Variants in CBLB observed in about 807,000 individuals in gnomAD.
CBLB encodes the protein E3 ubiquitin-protein ligase CBL-B.
In CBLB, 31 loss-of-function variants were observed where a neutral mutation model predicts 104.9. The observed-to-expected ratio is 0.30, with a 90% CI of 0.22 to 0.40. The LOEUF is 0.40. CBLB is among the 10% of genes least tolerant of loss of function. The pLI is 1.00. For missense variants in CBLB, 1,062 were observed against 1,214.6 expected, an observed-to-expected ratio of 0.87 and a Z score of 1.87; for synonymous variants, 440 against 422.6, an observed-to-expected ratio of 1.04 and a Z score of -0.51.
intron 9 of CBLB, among the ~76,000 whole-genome samples, chr3:105,725,200 A>G (rs1228907961): frequency 1.3e-5 from 2 of 152,202 alleles, no homozygotes; most frequent in African/African-American, 4.8e-5. Context: ...GAAGACATAA[A>G]ATGTATCTGA....
chr3:105,689,648 T>G (rs1447082372), intron 13 of CBLB, among the ~76,000 whole-genome samples: 1 of 144,030 alleles, frequency 6.9e-6, no homozygotes, highest in Non-Finnish European at 1.6e-5. Flanking sequence ...TTTCCTTAAC[T>G]ATTCAGAGTA....
intron 3 of CBLB, among the ~76,000 whole-genome samples, chr3:105,836,856 T>C (rs749483033): frequency 6.6e-6 from 1 of 152,034 alleles, no homozygotes; most frequent in Non-Finnish European, 1.5e-5. Flanking sequence ...TAAGTCTGCA[T>C]GGTGGATGTA....
chr3:105,795,620 G>A (rs770646142), intron 3 of CBLB, among the ~76,000 whole-genome samples: 4 of 152,186 alleles, frequency 2.6e-5, no homozygotes, highest in Non-Finnish European at 5.9e-5. Flanking sequence ...GTCAAAACTT[G>A]TCGCCCAAAG....
At chr3:105,848,060 C>T (rs2090501952) in intron 3 of CBLB, among the ~76,000 whole-genome samples, 1 of 151,930 alleles carries the variant, frequency 6.6e-6, no homozygotes, top group Non-Finnish European at 1.5e-5. Context: ...TGTCAGAAAT[C>T]ACTGAATTAC....
chr3:105,736,929 T>A (rs180760623), intron 8 of CBLB, among the ~76,000 whole-genome samples: 11 of 152,094 alleles, frequency 7.2e-5, no homozygotes, highest in Non-Finnish European at 1.3e-4. Flanking sequence ...TGCTTATGGA[T>A]TTATTTATTT....
At chr3:105,737,337 A>G in intron 7 of CBLB, 79 bp from the exon 8 acceptor site, 1 of 652,642 alleles carries the variant, frequency 1.5e-6, no homozygotes, top group East Asian at 2.7e-5. Context: ...AAATTTTTCT[A>G]TATTCAAACA....
At chr3:105,809,372 A>C (rs569510093) in intron 3 of CBLB, among the ~76,000 whole-genome samples, 2 of 152,334 alleles carry the variant, frequency 1.3e-5, no homozygotes, top group East Asian at 3.9e-4. Flanking sequence ...TTGTATCAAC[A>C]GTCATTTAAC....
chr3:105,756,877 C>T (rs779246832), intron 4 of CBLB, among the ~76,000 whole-genome samples: 11 of 152,112 alleles, frequency 7.2e-5, no homozygotes, highest in Non-Finnish European at 1.5e-4. Context: ...GGGAGGTGAT[C>T]GGATCATGGG....
intron 18 of CBLB, among the ~76,000 whole-genome samples, chr3:105,667,432 T>A (rs1352169605): frequency 6.6e-6 from 1 of 152,040 alleles, no homozygotes; most frequent in Non-Finnish European, 1.5e-5. Flanking sequence ...GAATAATACA[T>A]CCATGTAAAG....
At chr3:105,806,819 C>T (rs2083568459) in intron 3 of CBLB, among the ~76,000 whole-genome samples, 1 of 152,064 alleles carries the variant, frequency 6.6e-6, no homozygotes. Context: ...ACTTAGAAAA[C>T]TAAATCTTAA....
At chr3:105,663,351 T>C (rs751444945) in intron 18 of CBLB, among the ~76,000 whole-genome samples, 13 of 152,200 alleles carry the variant, frequency 8.5e-5, no homozygotes, top group South Asian at 8.3e-4. Context: ...TGAGCTTCCA[T>C]AGCCCTTTGT....
intron 3 of CBLB, among the ~76,000 whole-genome samples, chr3:105,840,798 C>T (rs1204564090): frequency 1.3e-5 from 2 of 151,394 alleles, no homozygotes; most frequent in East Asian, 1.9e-4. Context: ...TCCTTACCTA[C>T]TGAAACCAAT....
intron 18 of CBLB, among the ~76,000 whole-genome samples, chr3:105,660,569 TA>T: frequency 6.6e-6 from 1 of 152,126 alleles, no homozygotes; most frequent in Non-Finnish European, 1.5e-5. Context: ...CAACAATATT[TA>T]ATACCTTTCT....
chr3:105,749,799 AC>A, intron 5 of CBLB: 1 of 261,358 alleles, frequency 3.8e-6, no homozygotes, highest in Non-Finnish European at 7.7e-6. Flanking sequence ...TTATAAAATG[AC>A]CAATATCAGA....
intron 3 of CBLB, among the ~76,000 whole-genome samples, chr3:105,845,381 A>G (rs1255070389): frequency 2.1e-5 from 3 of 141,294 alleles, no homozygotes; most frequent in East Asian, 4.7e-4. Flanking sequence ...GGGGCTTAGA[A>G]AAAAAAAAAA....
At position 105,745,902 on chromosome 3, in the gene CBLB, G is replaced by A; in HGVS notation, c.845+15C>T. On this transcript the variant is annotated intron_variant, in intron 6 of 18. Coordinates refer to ENST00000394030, the MANE Select transcript of CBLB (RefSeq NM_170662.5). Reference sequence around the variant, plus strand: ...TTTGGATATATCACATAATATTACTGCTAAAAAGTCTTACCTTCCGGGTTT... The same window carrying A: ...TTTGGATATATCACATAATATTACTACTAAAAAGTCTTACCTTCCGGGTTT... The A allele has an allele frequency of 6.2e-7, 1 of 1,608,336 alleles. No homozygotes were observed. The highest frequency in any genetic ancestry group is 8.5e-7 in the Non-Finnish European group (1 of 1,175,176).
At chr3:105,702,012 A>AG (rs2069196617) in intron 12 of CBLB, 82 bp downstream of exon 12, 2 of 1,530,630 alleles carry the variant, frequency 1.3e-6, no homozygotes, top group Non-Finnish European at 1.8e-6. Context: ...GCAAAAAAAA[A>AG]CACTTCCCAA....
intron 10 of CBLB, among the ~76,000 whole-genome samples, chr3:105,705,629 C>A (rs1238600949): frequency 6.6e-6 from 1 of 152,164 alleles, no homozygotes; most frequent in East Asian, 1.9e-4. Flanking sequence ...GTCATTTTGA[C>A]CACATCATAT....
intron 12 of CBLB, among the ~76,000 whole-genome samples, chr3:105,700,793 G>C (rs898075119): frequency 6.6e-6 from 1 of 152,094 alleles, no homozygotes; most frequent in Non-Finnish European, 1.5e-5. Context: ...TCCTTTCCTG[G>C]CTACCCCATA....
Sources: gnomAD v4.1 joint callset for allele counts (sites outside exome capture counted in the v4.1 genomes callset) on GRCh38, gnomAD v4.1.1 for gene constraint, MANE v1.5 for transcripts, NCBI Gene and HGNC (gene_info 2026-07-23, HGNC 2026-07-21) for gene names.